The following NTN1 variants were observed in gnomAD, a reference collection of about 807,000 sequenced individuals.
NTN1 encodes netrin 1.
In NTN1, 11 loss-of-function variants were observed where a neutral mutation model predicts 54.2. The observed-to-expected ratio is 0.20, with a 90% CI of 0.13 to 0.34. The LOEUF (loss-of-function observed/expected upper bound fraction) is 0.34. Ranked by LOEUF, NTN1 falls within the 10% of genes least tolerant of loss-of-function variation. The pLI is 1.00. For missense variants in NTN1, 740 were observed against 893.1 expected (o/e 0.83, Z 2.18); for synonymous variants, 371 against 382.0 (o/e 0.97, Z 0.33).
At chr17:9,222,347 T>C (rs895933846) in intron 6 of NTN1, among the ~76,000 whole-genome samples, 3 of 152,230 alleles carry the variant, frequency 2.0e-5, no homozygotes, top group Admixed American at 6.5e-5. Context: ...CAGCACCTCC[T>C]GGCCACCTCT....
At chr17:9,083,990 G>A (rs1170856164) in intron 2 of NTN1, among the ~76,000 whole-genome samples, 1 of 152,206 alleles carries the variant, frequency 6.6e-6, no homozygotes, top group Non-Finnish European at 1.5e-5. Context: ...GGCTGGGGAA[G>A]GGGATTGAAA....
intron 2 of NTN1, among the ~76,000 whole-genome samples, chr17:9,113,788 A>T (rs1190296930): frequency 6.6e-6 from 1 of 152,158 alleles, no homozygotes; most frequent in African/African-American, 2.4e-5. Context: ...GTTCACTGCA[A>T]TGTTGTTTAT....
intron 3 of NTN1, chr17:9,173,825 T>C (rs1244297085): frequency 2.0e-5 from 3 of 152,236 alleles, no homozygotes; most frequent in African/African-American, 7.2e-5. Flanking sequence ...CAGGGCAGGG[T>C]GTTTTCTCTG....
chr17:9,023,607 C>T (rs1017461663), intron 2 of NTN1, among the ~76,000 whole-genome samples: 12 of 152,262 alleles, frequency 7.9e-5, no homozygotes, highest in Non-Finnish European at 1.2e-4. Flanking sequence ...CTCTGCGAAG[C>T]CAAGAAGCAG....
chr17:9,191,252 G>C (rs1310794638), intron 5 of NTN1, among the ~76,000 whole-genome samples: 1 of 152,202 alleles, frequency 6.6e-6, no homozygotes, highest in African/African-American at 2.4e-5. Context: ...TCTGAGGTCA[G>C]GAGTTCAAGA....
intron 5 of NTN1, chr17:9,183,688 G>T: frequency 5.4e-6 from 1 of 184,452 alleles, no homozygotes; most frequent in Non-Finnish European, 1.1e-5. Context: ...CATCAATCTG[G>T]GTCTTTAAAG....
chr17:9,038,872 A>AT (rs1394545995), intron 2 of NTN1, among the ~76,000 whole-genome samples: 1 of 152,016 alleles, frequency 6.6e-6, no homozygotes, highest in Non-Finnish European at 1.5e-5. Context: ...ACCTCAGTCC[A>AT]CCTTGTTGCC....
intron 2 of NTN1, among the ~76,000 whole-genome samples, chr17:9,025,790 T>G (rs937730637): frequency 8.5e-5 from 13 of 152,212 alleles, no homozygotes; most frequent in Non-Finnish European, 1.5e-5. Flanking sequence ...GAAAAGGCCC[T>G]GTAGTGGAGA....
chr17:9,132,400 A>G (rs985737319), intron 2 of NTN1, among the ~76,000 whole-genome samples: 1 of 152,140 alleles, frequency 6.6e-6, no homozygotes, highest in Non-Finnish European at 1.5e-5. Context: ...TACCCAGCGC[A>G]CACCTTGTAC....
intron 2 of NTN1, among the ~76,000 whole-genome samples, chr17:9,093,519 C>T (rs957849102): frequency 1.3e-5 from 2 of 152,216 alleles, no homozygotes; most frequent in African/African-American, 4.8e-5. Context: ...AGAGCCTCCA[C>T]ACTTGGCGAA....
intron 2 of NTN1, among the ~76,000 whole-genome samples, chr17:9,098,396 G>A (rs1005856429): frequency 6.6e-6 from 1 of 152,350 alleles, no homozygotes; most frequent in South Asian, 2.1e-4. Context: ...CTGGACTGCA[G>A]ACCCTGGGAG....
At chr17:9,155,229 C>T (rs1248929141) in intron 2 of NTN1, among the ~76,000 whole-genome samples, 3 of 152,230 alleles carry the variant, frequency 2.0e-5, no homozygotes, top group South Asian at 2.1e-4. Context: ...TGGGACAGGA[C>T]TCCATCTTGC....
chr17:9,013,155 T>A, the NTN1 span, among the ~76,000 whole-genome samples: 3 of 151,946 alleles, frequency 2.0e-5, no homozygotes, highest in Non-Finnish European at 4.4e-5. Context: ...GGAAGAATCT[T>A]CCTACCACAA....
chr17:9,005,208 C>T, the NTN1 span, among the ~76,000 whole-genome samples: 1 of 152,174 alleles, frequency 6.6e-6, no homozygotes, highest in East Asian at 1.9e-4. Flanking sequence ...TTGTGGCTTT[C>T]GGGTTCTGAT....
intron 2 of NTN1, among the ~76,000 whole-genome samples, chr17:9,042,027 G>C (rs541167603): frequency 9.4e-5 from 14 of 149,158 alleles, no homozygotes; most frequent in Non-Finnish European, 2.1e-4. Flanking sequence ...AAAAAAAAAA[G>C]ACAACTAACT....
At chr17:9,133,586 A>ATTTT (rs544456345) in intron 2 of NTN1, among the ~76,000 whole-genome samples, 2 of 131,046 alleles carry the variant, frequency 1.5e-5, no homozygotes, top group African/African-American at 2.9e-5. Flanking sequence ...TTCTCATTGA[A>ATTTT]TTTTTTTTTT....
intron 2 of NTN1, among the ~76,000 whole-genome samples, chr17:9,087,374 T>G (rs956985334): frequency 6.6e-6 from 1 of 152,030 alleles, no homozygotes; most frequent in African/African-American, 2.4e-5. Flanking sequence ...GAGATGAAGC[T>G]TGAGTGTAGG....
rs1243790900 is a variant in NTN1, at chr17:9,239,811, A to T, written c.1658A>T (p.Lys553Met). The T allele has an allele frequency of 5.6e-6, 9 of 1,613,584 alleles. No homozygotes were observed. The highest frequency in any genetic ancestry group is 1.3e-5 in the African/African-American group (1 of 74,946). The change falls in exon 7 of 7, where the codon AAG (lysine) becomes ATG (methionine). Residue 553 changes from lysine to methionine, a missense_variant. Lys to Met is a moderately conservative substitution (Grantham distance 95). Transcript: ENST00000173229. This position sits in a 1 kb window ranked among gnomAD's most constrained non-coding sequence, Gnocchi z 5.2. Reference protein sequence around the residue: ...ACKCPKIKPLKKYLLLGNAED... With the variant: ...ACKCPKIKPLMKYLLLGNAED... ...AAGTGTCCCAAAATCAAGCCCCTCA[A>T]GAAGTACCTGCTGCTGGGCAACGCG...
chr17:9,158,515 G>T (rs2092349464), intron 2 of NTN1, among the ~76,000 whole-genome samples: 1 of 152,202 alleles, frequency 6.6e-6, no homozygotes, highest in Non-Finnish European at 1.5e-5. Context: ...TTCTGTGCTT[G>T]TAAGAAAGAT....
Sources: gnomAD v4.1 joint callset for allele counts (sites outside exome capture counted in the v4.1 genomes callset) on GRCh38, gnomAD v4.1.1 for gene constraint, Gnocchi (gnomAD v3.1) non-coding constraint, MANE v1.5 for transcripts, NCBI Gene and HGNC (gene_info 2026-07-23, HGNC 2026-07-21) for gene names.